APOL5: variants seen among roughly 807,000 people sequenced by gnomAD.
APOL5 encodes apolipoprotein L5, also known as apolipoprotein L, 5.
A neutral mutation model predicts 35.5 loss-of-function variants in APOL5; 29 were observed. The observed-to-expected ratio is 0.82, with a 90% confidence interval of 0.61 to 1.11. The LOEUF (loss-of-function observed/expected upper bound fraction) is 1.11, where lower values mean the gene tolerates loss of function less well. Among genes scored for constraint, APOL5 ranks in the 50% most tolerant of loss-of-function variants. The pLI is 0.00. For missense variants in APOL5, 514 were observed against 530.4 expected (o/e 0.97, Z 0.30); for synonymous variants, 188 against 200.2 (o/e 0.94, Z 0.51).
At chr22:35,724,685 T>G (rs754014625) in intron 2 of APOL5, among the ~76,000 whole-genome samples, 1 of 152,106 alleles carries the variant, frequency 6.6e-6, no homozygotes, top group East Asian at 1.9e-4. Flanking sequence ...CTCGGCTCAC[T>G]GCAACCTCCC....
the APOL5 span, among the ~76,000 whole-genome samples, chr22:35,710,724 G>A: frequency 6.6e-6 from 1 of 151,966 alleles, no homozygotes; most frequent in African/African-American, 2.4e-5. Flanking sequence ...CCAGCCCCTG[G>A]CAACCACGAC....
At chr22:35,709,336 AT>A in the APOL5 span, among the ~76,000 whole-genome samples, 7 of 151,968 alleles carry the variant, frequency 4.6e-5, no homozygotes, top group African/African-American at 1.4e-4. Flanking sequence ...TGCCAAAAAA[AT>A]CATACTAAGG....
At chr22:35,710,115 T>C in the APOL5 span, among the ~76,000 whole-genome samples, 23 of 109,520 alleles carry the variant, frequency 2.1e-4, no homozygotes, top group South Asian at 7.6e-4. Context: ...TTCTTTCTCT[T>C]TTTTTTTTTT....
intron 2 of APOL5, among the ~76,000 whole-genome samples, chr22:35,724,278 C>T (rs1245891078): frequency 6.7e-6 from 1 of 148,646 alleles, no homozygotes; most frequent in African/African-American, 2.5e-5. Context: ...TATAGTGAAG[C>T]CCTGTCTCAA....
intron 1 of APOL5, among the ~76,000 whole-genome samples, chr22:35,719,233 A>T (rs1926872859): frequency 6.6e-6 from 1 of 152,186 alleles, no homozygotes; most frequent in Non-Finnish European, 1.5e-5. Context: ...TTTTTTGTCA[A>T]ATTTGACTAT....
Position 35,727,158 on chromosome 22 carries a change from A to G in APOL5, c.1090A>G (p.Arg364Gly). The stretch of plus-strand genomic sequence containing the variant: ...CCAGACCTGTTCCAGCTCCCGGGGC[A>G]GGGCTGTTCGAGGATCCCGTGTGGT... ...ASQTCSSSRGRAVRGSRVVKP... is the reference protein window; with the variant it reads ...ASQTCSSSRGGAVRGSRVVKP... Residue 364 changes from arginine (R) to glycine (G), a missense_variant, in exon 3 of 5, where the codon AGG becomes GGG. Arg to Gly is a moderately radical substitution (Grantham distance 125). Transcript: ENST00000249044. 1 of 1,605,916 alleles carries G rather than the reference A, an allele frequency of 6.2e-7. No homozygotes were observed. Among genetic ancestry groups the G allele is most frequent in the Non-Finnish European group, 8.5e-7 (1 of 1,179,630 alleles).
intron 2 of APOL5, among the ~76,000 whole-genome samples, chr22:35,724,667 G>A (rs1188221746): frequency 6.6e-6 from 1 of 151,962 alleles, no homozygotes; most frequent in Non-Finnish European, 1.5e-5. Context: ...GGAGTGCTAT[G>A]GCGCGATCTC....
At chr22:35,720,152 G>A (rs892666466) in intron 1 of APOL5, among the ~76,000 whole-genome samples, 4 of 152,354 alleles carry the variant, frequency 2.6e-5, no homozygotes, top group South Asian at 2.1e-4. Context: ...ATTTGGGAGC[G>A]AAAGCAGAAA....
Position 35,726,562 on chromosome 22 carries a change from G to T in APOL5, c.494G>T (p.Gly165Val), listed in dbSNP as rs761439903. The T allele has an allele frequency of 1.2e-6, 2 of 1,614,032 alleles. No homozygotes were observed. Among genetic ancestry groups the T allele is most frequent in the East Asian group, 2.2e-5 (1 of 44,898 alleles). Residue 165 changes from glycine (G) to valine (V), a missense_variant, in exon 3 of 5, where the codon GGC (glycine) becomes GTC (valine). Around this residue, in one of 3 missense-constraint regions of APOL5, gnomAD observed 254 missense variants for 254.7 expected, o/e 1.00. Transcript: ENST00000249044. ...GCCCTAGCACCTGTGACAGCAGGAG[G>T]CAGTCTCATGCTCTCAGCAACTGGG... is the stretch of plus-strand genomic sequence containing the variant. Reference protein sequence around the residue: ...GLALAPVTAGGSLMLSATGTG... With the variant: ...GLALAPVTAGVSLMLSATGTG...
At chr22:35,713,837 A>G (rs1926661986), upstream of APOL5, among the ~76,000 whole-genome samples, 1 of 152,188 alleles carries the variant, frequency 6.6e-6, no homozygotes, top group Non-Finnish European at 1.5e-5. Flanking sequence ...GAGGCACTGG[A>G]TGTGGCTGAT....
At chr22:35,720,822 T>G (rs1410489773) in intron 2 of APOL5, among the ~76,000 whole-genome samples, 168 bp downstream of exon 2, 1 of 152,222 alleles carries the variant, frequency 6.6e-6, no homozygotes, top group Non-Finnish European at 1.5e-5. Context: ...CTCGGCTCAC[T>G]GCAACCTCTG....
chr22:35,724,284 C>T (rs1449769652), intron 2 of APOL5, among the ~76,000 whole-genome samples: 1 of 141,598 alleles, frequency 7.1e-6, no homozygotes, highest in Admixed American at 7.1e-5. Context: ...GAAGCCCTGT[C>T]TCAAAAAAAA....
At chr22:35,729,126 A>G (rs1034015488) in intron 4 of APOL5, among the ~76,000 whole-genome samples, 6 of 152,182 alleles carry the variant, frequency 3.9e-5, no homozygotes, top group Admixed American at 2.6e-4. Flanking sequence ...CCATTCGTTC[A>G]TTCATGAAGT....
Position 35,727,076 on chromosome 22 carries a change from G to A in APOL5, c.1008G>A (p.Leu336=). The A allele has an allele frequency of 6.2e-7, 1 of 1,613,222 alleles. No individual in the cohort carries two copies. The highest frequency in any genetic ancestry group is 1.1e-5 in the South Asian group (1 of 91,072). ...AEELRALAKK[L]EQELDRLTQH... ...AACTGAGAGCACTTGCTAAGAAGCT[G>A]GAGCAGGAGCTGGACCGGCTCACCC... is the stretch of plus-strand genomic sequence containing the variant. The change falls in exon 3 of 5, where the codon CTG becomes CTA. Residue 336 remains leucine (L), a synonymous_variant. Transcript: ENST00000249044.
intron 4 of APOL5, 53 bp from the exon 5 acceptor site, chr22:35,729,301 A>G (rs1927284473): frequency 1.2e-5 from 2 of 164,926 alleles, no homozygotes; most frequent in Non-Finnish European, 2.6e-5. Context: ...GATCCCTAAG[A>G]TGCTGCAGAA....
At chr22:35,722,805 TCA>T (rs1927019331) in intron 2 of APOL5, among the ~76,000 whole-genome samples, 1 of 152,162 alleles carries the variant, frequency 6.6e-6, no homozygotes, top group South Asian at 2.1e-4. Context: ...CCTAGATGTG[TCA>T]CCGTGATTCT....
At chr22:35,714,737 A>G (rs1264907707), upstream of APOL5, among the ~76,000 whole-genome samples, 2 of 152,154 alleles carry the variant, frequency 1.3e-5, no homozygotes, top group Non-Finnish European at 2.9e-5. Context: ...AGATAAATGA[A>G]CTGGGGCCAG....
chr22:35,718,947 A>G (rs5755925), intron 1 of APOL5, among the ~76,000 whole-genome samples: 102,054 of 151,474 alleles, frequency 0.67, 34,913 homozygotes, highest in African/African-American at 0.76. Context: ...TAATTGCAAC[A>G]ACTCGGGAGG....
intron 4 of APOL5, 24 bp downstream of exon 4, chr22:35,728,928 G>A: frequency 6.4e-7 from 1 of 1,556,326 alleles, no homozygotes; most frequent in Non-Finnish European, 8.7e-7. Context: ...AAGGAAGCCA[G>A]GAGCTGTGGG....
Sources: allele counts gnomAD v4.1 joint callset (sites outside exome capture counted in the v4.1 genomes callset), GRCh38; gene constraint gnomAD v4.1.1; regional missense constraint gnomAD v4.1.1; transcripts MANE v1.5; gene names NCBI Gene and HGNC (gene_info 2026-07-23, HGNC 2026-07-21).